Variants in PIWIL4 observed in about 807,000 individuals in gnomAD.
PIWIL4 encodes the protein piwi like RNA-mediated gene silencing 4.
Under a neutral mutation model 100.9 loss-of-function variants are expected in PIWIL4, and 50 were observed. That is an observed-to-expected ratio of 0.50 (90% CI 0.39 to 0.63). The LOEUF is 0.63. Among genes scored for constraint, PIWIL4 ranks in the 20% least tolerant of loss-of-function variants. The pLI, the probability that PIWIL4 is intolerant of heterozygous loss-of-function variation, is 0.00. For synonymous variants in PIWIL4, 342 were observed against 367.5 expected (o/e 0.93, Z 0.79); for missense variants, 887 against 1,043.3 (o/e 0.85, Z 2.06).
At chr11:94,609,599 A>G (rs1301321446) in intron 15 of PIWIL4, among the ~76,000 whole-genome samples, 2 of 152,164 alleles carry the variant, frequency 1.3e-5, no homozygotes, top group East Asian at 1.9e-4. Flanking sequence ...ATGCCACATC[A>G]TTAATCAAGT....
At position 94,608,444 on chromosome 11, in the gene PIWIL4, G is replaced by A. The variant is rs570557170; in HGVS notation, c.1840-139G>A. 31 of 638,880 alleles carry A rather than the reference G, an allele frequency of 4.9e-5. No individual in the cohort carries two copies. The highest frequency in any genetic ancestry group is 3.5e-4 in the South Asian group (16 of 46,294). The allele number at this position is 638,880 out of a possible 1,614,324, so 39.6% of individuals were successfully genotyped here. A position where few individuals can be genotyped will look rare whatever the true frequency, so the allele number is the denominator to read the frequency against. ...TTTCTGGTTTAATAATCTGGCTCAC[G>A]GATCTCAATCTCCCTTACACATAGC... On this transcript the variant is annotated intron_variant, in intron 14 of 19. Transcript: ENST00000299001.
At chr11:94,588,735 A>G (rs1948439306) in intron 7 of PIWIL4, among the ~76,000 whole-genome samples, 1 of 152,190 alleles carries the variant, frequency 6.6e-6, no homozygotes, top group South Asian at 2.1e-4. Context: ...TTAAATCAGA[A>G]AAACTACCTG....
intron 2 of PIWIL4, among the ~76,000 whole-genome samples, chr11:94,569,431 T>G (rs1948117797): frequency 6.6e-6 from 1 of 151,998 alleles, no homozygotes; most frequent in African/African-American, 2.4e-5. Flanking sequence ...CAGGCTGGAG[T>G]GCAATGGCGC....
intron 2 of PIWIL4, among the ~76,000 whole-genome samples, chr11:94,572,720 C>T (rs371657000): frequency 1.3e-5 from 2 of 152,142 alleles, no homozygotes; most frequent in Non-Finnish European, 1.5e-5. Flanking sequence ...AGCCAGGTAG[C>T]GTGATGCTGC....
At chr11:94,601,694 T>C (rs972498861) in intron 11 of PIWIL4, 101 bp from the exon 12 acceptor site, 3 of 1,133,434 alleles carry the variant, frequency 2.6e-6, no homozygotes, top group African/African-American at 1.6e-5. Context: ...GCAAACTGTG[T>C]TAAACAGTTA....
At chr11:94,605,335 G>A (rs1392087666) in intron 13 of PIWIL4, among the ~76,000 whole-genome samples, 1 of 152,160 alleles carries the variant, frequency 6.6e-6, no homozygotes, top group Non-Finnish European at 1.5e-5. Context: ...GAAGAGTACA[G>A]ACTAGTTATT....
Position 94,567,370 on chromosome 11 carries a change from A to T in PIWIL4, c.-149A>T. 1.4e-6 allele frequency: 1 copy of T among 692,624 alleles called. No individual in the cohort carries two copies. Among genetic ancestry groups the T allele is most frequent in the Non-Finnish European group, 2.2e-6 (1 of 445,878 alleles). The allele number at this position is 692,624 out of a possible 1,614,324, so 42.9% of individuals were successfully genotyped here. ...CCACCCACGCACGGGCCTCGGACGC[A>T]TTTCCAGCCCCGGCGTTGGTTGTGG... is the stretch of plus-strand genomic sequence containing the variant. On this transcript the variant is annotated 5_prime_UTR_variant, in exon 1 of 20. Transcript: ENST00000299001.
chr11:94,583,042 ATATGTGTGTG>A (rs1412120222), intron 4 of PIWIL4, among the ~76,000 whole-genome samples: 11 of 140,428 alleles, frequency 7.8e-5, no homozygotes, highest in African/African-American at 2.1e-4. Flanking sequence ...GTATATATAT[ATATGTGTGTG>A]TGTGTGTGTG....
intron 19 of PIWIL4, 71 bp downstream of exon 19, chr11:94,620,215 C>A: frequency 6.9e-7 from 1 of 1,440,898 alleles, no homozygotes; most frequent in Non-Finnish European, 9.4e-7. Flanking sequence ...TCATACACGT[C>A]ATCTTTGTAT....
In PIWIL4 at chr11:94,608,699, C is replaced by T; in HGVS notation, c.1943+13C>T. On this transcript the variant is annotated intron_variant, in intron 15 of 19. Coordinates refer to ENST00000299001, the MANE Select transcript of PIWIL4 (RefSeq NM_152431.3). ...CCAGAATCACCAGGTACTGCTAAAA[C>T]TACCTGAACACATGCTTCATTTAGT... 1 of 1,597,314 alleles carries T rather than the reference C, an allele frequency of 6.3e-7. No homozygotes were observed. The highest frequency in any genetic ancestry group is 8.6e-7 in the Non-Finnish European group (1 of 1,164,980).
rs1426378186 is a variant in PIWIL4, at chr11:94,567,533, C to A, written c.15C>A (p.Ala5=). MSGR[A]RVKARGIARS... The stretch of plus-strand genomic sequence containing the variant: ...TCACCGGGAACATGAGTGGAAGAGC[C>A]CGAGTGAAGGCCAGAGGCATCGCCC... Residue 5 remains alanine, a synonymous_variant, in exon 1 of 20, where the codon GCC becomes GCA. Transcript: ENST00000299001. The A allele has an allele frequency of 6.2e-7, 1 of 1,601,086 alleles. No homozygotes were observed. The highest frequency in any genetic ancestry group is 8.5e-7 in the Non-Finnish European group (1 of 1,174,176).
chr11:94,595,209 G>A lies in PIWIL4; in HGVS notation c.1151-100G>A, dbSNP rs1381739430. 5.7e-6 allele frequency: 5 copies of A among 875,492 alleles called. No individual in the cohort carries two copies. The Admixed American group carries it at 6.0e-5, about 10-fold the overall frequency. 54.2% of individuals were successfully genotyped at this position (875,492 alleles called of 1,614,324 possible). ...TCATTTCTATTGGATGTGCTATACA[G>A]ATGGTGAATGCATTCAAGTGGAAAG... On this transcript the variant is annotated intron_variant, in intron 9 of 19. Transcript: ENST00000299001.
Position 94,617,060 on chromosome 11 carries a change from A to G in PIWIL4, c.2014+497A>G, listed in dbSNP as rs1948855475. Among the ~76,000 whole-genome samples the G allele has an allele frequency of 7.2e-5, 11 of 152,216 alleles. No homozygotes were observed. In the South Asian group the frequency reaches 2.3e-3, roughly 32 times the overall value. On this transcript the variant is annotated intron_variant, in intron 16 of 19. Transcript: ENST00000299001. The stretch of plus-strand genomic sequence containing the variant: ...TCTGTTTCTTCACCACTCCTGGCCT[A>G]GGTCTGGCTTTGCTATTTCCTAGCA...
chr11:94,590,437 G>A (rs1298138039), intron 8 of PIWIL4, among the ~76,000 whole-genome samples: 1 of 152,060 alleles, frequency 6.6e-6, no homozygotes, highest in Non-Finnish European at 1.5e-5. Flanking sequence ...CCTCACAAAG[G>A]AACCATTATT....
intron 5 of PIWIL4, 146 bp from the exon 6 acceptor site, chr11:94,585,299 T>G: frequency 1.9e-6 from 1 of 532,236 alleles, no homozygotes; most frequent in East Asian, 3.0e-5. Context: ...ATATGTATAT[T>G]TAGTATCTAA....
intron 2 of PIWIL4, among the ~76,000 whole-genome samples, chr11:94,570,208 G>A (rs1948132137): frequency 6.6e-6 from 1 of 152,170 alleles, no homozygotes; most frequent in Admixed American, 6.5e-5. Context: ...CATGCCCCAT[G>A]TGTTAGTCTG....
At chr11:94,614,921 T>A (rs1289826725) in intron 15 of PIWIL4, among the ~76,000 whole-genome samples, 1 of 152,208 alleles carries the variant, frequency 6.6e-6, no homozygotes, top group Middle Eastern at 3.2e-3. Flanking sequence ...TTTGTGTACC[T>A]TCTCCAAATC....
At chr11:94,589,542 C>T (rs1948453826) in intron 8 of PIWIL4, among the ~76,000 whole-genome samples, 1 of 152,152 alleles carries the variant, frequency 6.6e-6, no homozygotes, top group Non-Finnish European at 1.5e-5. Flanking sequence ...AGCAGAGTTT[C>T]CAAATCTCCT....
At chr11:94,596,860 C>A (rs991066252) in intron 10 of PIWIL4, among the ~76,000 whole-genome samples, 1 of 152,132 alleles carries the variant, frequency 6.6e-6, no homozygotes, top group African/African-American at 2.4e-5. Context: ...AAGACATAAT[C>A]CGAATAGGTG....
Sources: allele counts gnomAD v4.1 joint callset (sites outside exome capture counted in the v4.1 genomes callset), GRCh38; gene constraint gnomAD v4.1.1; transcripts MANE v1.5; gene names NCBI Gene and HGNC (gene_info 2026-07-23, HGNC 2026-07-21).